The following CNGA3 variants were observed in gnomAD, a reference collection of about 807,000 sequenced individuals.
The protein encoded by CNGA3 is cyclic nucleotide-gated channel alpha-3.
Under a neutral mutation model 46.6 loss-of-function variants are expected in CNGA3, and 42 were observed. The ratio of observed to expected loss-of-function variants is 0.90; its 90% CI spans 0.70 to 1.17. The LOEUF (loss-of-function observed/expected upper bound fraction) is 1.17, where lower values mean the gene tolerates loss of function less well. Ranked by LOEUF, CNGA3 falls within the 50% of genes most tolerant of loss-of-function variation. The pLI is 0.00. For missense variants in CNGA3, 893 were observed against 890.7 expected (o/e 1.00, Z -0.03); for synonymous variants, 394 against 369.4 (o/e 1.07, Z -0.76).
At position 98,377,785 on chromosome 2, in the gene CNGA3, G is replaced by T; in HGVS notation, c.200G>T (p.Gly67Val). The T allele has an allele frequency of 6.2e-7, 1 of 1,611,254 alleles. No homozygotes were observed. Among genetic ancestry groups the T allele is most frequent in the Non-Finnish European group, 8.5e-7 (1 of 1,179,596 alleles). Residue 67 changes from glycine to valine, a missense_variant, in exon 3 of 8, where the codon GGC becomes GTC. Physicochemically the swap from Gly to Val is moderately radical, Grantham distance 109. This residue lies in a region of CNGA3 where 333 missense variants were observed against 290.8 expected (regional missense o/e 1.15). Coordinates refer to ENST00000272602, the MANE Select transcript of CNGA3 (RefSeq NM_001298.3). ...LADSGQGSFT[G>V]QGIARLSRLI... is the part of the protein sequence containing the mutation. Reference sequence around the variant, plus strand: ...GACTCCGGGCAGGGCTCCTTCACCGGCCAGGGGATCGCCAGGTAACTGACC... The same window carrying T: ...GACTCCGGGCAGGGCTCCTTCACCGTCCAGGGGATCGCCAGGTAACTGACC...
rs773541745 is a variant in CNGA3, at chr2:98,370,068, C to A, written c.93C>A (p.Gly31=). 5.0e-5 allele frequency: 80 copies of A among 1,612,528 alleles called. 3 individuals are homozygous for A. The South Asian group carries it at 8.8e-4, about 18-fold the overall frequency. The part of the protein sequence containing the change: ...SDRDLNRAEN[G]LSRAHSSSEE... ...GAGATCTCAATCGCGCTGAAAATGG[C>A]CTCAGCAGGTAAGATGGGCTAAGAT... is the stretch of plus-strand genomic sequence containing the variant. The change falls in exon 2 of 8, where the codon GGC becomes GGA. Residue 31 remains glycine (G), a synonymous_variant. Transcript: ENST00000272602.
chr2:98,377,892 G>A, intron 3 of CNGA3, 92 bp downstream of exon 3: 3 of 1,335,406 alleles, frequency 2.2e-6, no homozygotes, highest in Admixed American at 2.2e-5. Flanking sequence ...CTAGATGGGG[G>A]TGGAGTTGAA....
At chr2:98,373,153 C>T (rs1475616271) in intron 2 of CNGA3, among the ~76,000 whole-genome samples, 1 of 152,122 alleles carries the variant, frequency 6.6e-6, no homozygotes, top group African/African-American at 2.4e-5. Context: ...TGGGCCCAGC[C>T]CCTCCCCTGC....
chr2:98,397,085 A>G lies in CNGA3; in HGVS notation c.1915A>G (p.Thr639Ala). Residue 639 changes from threonine (T) to alanine (A), a missense_variant, in exon 8 of 8, where the codon ACC becomes GCC. Physicochemically the swap from Thr to Ala is moderately conservative, Grantham distance 58. This residue lies in a region of CNGA3 where 548 missense variants were observed against 570.8 expected (regional missense o/e 0.96). Coordinates refer to ENST00000272602, the MANE Select transcript of CNGA3 (RefSeq NM_001298.3). Reference protein sequence around the residue: ...KVEQLGSSLDTLQTRFARLLA... With the variant: ...KVEQLGSSLDALQTRFARLLA... ...GGAGCAGCTGGGGTCCTCCCTGGAC[A>G]CCCTGCAGACCAGGTTTGCACGCCT... is the stretch of plus-strand genomic sequence containing the variant. 2 of 1,614,128 alleles carry G rather than the reference A, an allele frequency of 1.2e-6. No homozygotes were observed. Among genetic ancestry groups the G allele is most frequent in the East Asian group, 4.5e-5 (2 of 44,868 alleles).
At chr2:98,389,566 C>A in intron 5 of CNGA3, 92 bp from the exon 6 acceptor site, 1 of 1,112,008 alleles carries the variant, frequency 9.0e-7, no homozygotes, top group African/African-American at 1.5e-5. Context: ...ACATCTTGGG[C>A]TTCAGCCTGA....
chr2:98,396,450 GCAAGGTCAC>G lies in CNGA3; in HGVS notation c.1286_1294del (p.Val429_Lys431del). ...TCCATCAAGCAGTACATGCAGTTCC[GCAAGGTCAC>G]CAAGGACTTGGAGACGCGGGTTATC... On this transcript the variant is annotated inframe_deletion, in exon 8 of 8. Coordinates refer to ENST00000272602, the MANE Select transcript of CNGA3 (RefSeq NM_001298.3). The G allele has an allele frequency of 6.2e-7, 1 of 1,613,902 alleles. No individual in the cohort carries two copies. The highest frequency in any genetic ancestry group is 8.5e-7 in the Non-Finnish European group (1 of 1,180,028).
At position 98,378,314 on chromosome 2, in the gene CNGA3, G is replaced by A; in HGVS notation, c.215+514G>A. 6.5e-6 allele frequency: 8 copies of A among 1,239,754 alleles called. No individual in the cohort carries two copies. In the South Asian group the frequency reaches 9.4e-5, roughly 15 times the overall value. 76.8% of individuals were successfully genotyped at this position (1,239,754 alleles called of 1,614,324 possible). On this transcript the variant is annotated intron_variant, in intron 3 of 7. Transcript: ENST00000272602. ...TGACATCCGTACTCCAGCTTCAACA[G>A]CTGCTCCATCCTGAGGAAGTCATTT...
intron 1 of CNGA3, among the ~76,000 whole-genome samples, chr2:98,355,625 C>T (rs1354694397): frequency 6.6e-6 from 1 of 152,188 alleles, no homozygotes; most frequent in Non-Finnish European, 1.5e-5. Context: ...CTGTACCAAA[C>T]TTTAATATAT....
At chr2:98,389,584 C>A in intron 5 of CNGA3, 74 bp from the exon 6 acceptor site, 1 of 1,366,306 alleles carries the variant, frequency 7.3e-7, no homozygotes, top group Non-Finnish European at 1.0e-6. Flanking sequence ...TGAAATTGCC[C>A]TAGGCTCTCT....
intron 1 of CNGA3, among the ~76,000 whole-genome samples, chr2:98,360,688 T>C (rs1440376395): frequency 6.6e-6 from 1 of 152,186 alleles, no homozygotes; most frequent in Admixed American, 6.5e-5. Context: ...GTATTGAAAA[T>C]AATGAGGCCG....
At chr2:98,383,770 T>A (rs971710783) in intron 5 of CNGA3, among the ~76,000 whole-genome samples, 1 of 152,218 alleles carries the variant, frequency 6.6e-6, no homozygotes, top group Admixed American at 6.5e-5. Flanking sequence ...GAACCGGAGT[T>A]CCTTGACAGA....
chr2:98,395,315 G>C (rs1236882464), intron 7 of CNGA3, among the ~76,000 whole-genome samples: 2 of 151,854 alleles, frequency 1.3e-5, no homozygotes, highest in Non-Finnish European at 2.9e-5. Flanking sequence ...GATTACAGGG[G>C]TGCACCACCA....
chr2:98,386,456 C>T (rs1692656724), intron 5 of CNGA3, among the ~76,000 whole-genome samples: 3 of 152,184 alleles, frequency 2.0e-5, no homozygotes, highest in Admixed American at 1.3e-4. Flanking sequence ...AAGGGGAGTT[C>T]CCCTGCACAG....
At chr2:98,389,552 A>T in intron 5 of CNGA3, 106 bp from the exon 6 acceptor site, 1 of 953,424 alleles carries the variant, frequency 1.0e-6, no homozygotes, top group South Asian at 1.3e-5. Context: ...TGTTGTGGAC[A>T]GCCACATCTT....
chr2:98,392,576 A>T, intron 7 of CNGA3, among the ~76,000 whole-genome samples: 1 of 150,818 alleles, frequency 6.6e-6, no homozygotes, highest in Non-Finnish European at 1.5e-5. Context: ...AAGAAAAAAA[A>T]AAGAAAAGAA....
At chr2:98,358,704 A>G (rs974238764) in intron 1 of CNGA3, among the ~76,000 whole-genome samples, 12 of 152,214 alleles carry the variant, frequency 7.9e-5, no homozygotes, top group Non-Finnish European at 4.4e-5. Flanking sequence ...TGATTTTTTA[A>G]TGTATTTTTT....
chr2:98,386,162 G>A (rs1000182977), intron 5 of CNGA3, among the ~76,000 whole-genome samples: 2 of 152,144 alleles, frequency 1.3e-5, no homozygotes, highest in African/African-American at 4.8e-5. Flanking sequence ...GACTTGTGTG[G>A]TAGGCAGAAC....
intron 5 of CNGA3, among the ~76,000 whole-genome samples, chr2:98,388,677 A>T (rs1692715949): frequency 1.3e-5 from 2 of 152,184 alleles, no homozygotes; most frequent in Non-Finnish European, 2.9e-5. Flanking sequence ...CCCCACCCGA[A>T]GCATTTCGTT....
intron 1 of CNGA3, among the ~76,000 whole-genome samples, chr2:98,365,219 A>G (rs1428547576): frequency 6.6e-6 from 1 of 152,146 alleles, no homozygotes; most frequent in Non-Finnish European, 1.5e-5. Context: ...AGGCAGGCAA[A>G]TCACTTGAAG....
Sources: gnomAD v4.1 joint callset for allele counts (sites outside exome capture counted in the v4.1 genomes callset) on GRCh38, gnomAD v4.1.1 for gene constraint, gnomAD v4.1.1 regional missense constraint, MANE v1.5 for transcripts, NCBI Gene and HGNC (gene_info 2026-07-23, HGNC 2026-07-21) for gene names.